WWTR1: variants seen among roughly 807,000 people sequenced by gnomAD.
WWTR1 encodes the protein WW domain-containing transcription regulator protein 1.
WWTR1 carries 13 observed loss-of-function variants against 40.1 expected under a neutral mutation model. That is an observed-to-expected ratio of 0.32 (90% CI 0.21 to 0.52). The LOEUF is 0.52. Ranked by LOEUF, WWTR1 falls within the 20% of genes least tolerant of loss-of-function variation. WWTR1 has a pLI of 0.97. For missense variants in WWTR1, 436 were observed against 523.1 expected (o/e 0.83, Z 1.63); for synonymous variants, 230 against 210.1 (o/e 1.09, Z -0.82).
intron 2 of WWTR1, among the ~76,000 whole-genome samples, chr3:149,632,600 C>A (rs1711599386): frequency 6.6e-6 from 1 of 152,176 alleles, no homozygotes; most frequent in Non-Finnish European, 1.5e-5. Context: ...AAAGGAAGAT[C>A]ATTTTCCACT....
intron 3 of WWTR1, among the ~76,000 whole-genome samples, chr3:149,569,357 A>G (rs1423027567): frequency 6.6e-6 from 1 of 152,236 alleles, no homozygotes; most frequent in Non-Finnish European, 1.5e-5. Context: ...TTAGCTTACT[A>G]TGTGGCAATC....
At chr3:149,669,069 A>G (rs1284912477) in intron 2 of WWTR1, among the ~76,000 whole-genome samples, 1 of 152,192 alleles carries the variant, frequency 6.6e-6, no homozygotes, top group Non-Finnish European at 1.5e-5. Flanking sequence ...CTTTGTACAG[A>G]GTCCAAGTTT....
chr3:149,572,958 C>A lies in WWTR1; in HGVS notation c.474G>T (p.Ala158=), dbSNP rs534445202. The change falls in exon 3 of 7, where the codon GCG becomes GCT. Residue 158 remains alanine (A), a synonymous_variant. Transcript: ENST00000360632. The stretch of plus-strand genomic sequence containing the variant: ...TCATATGATTCAGAGGCTGATTCAT[C>A]GCCTTCCTAGGGTCTTGCCATGTGG... The part of the protein sequence containing the change: ...KITTWQDPRK[A]MNQPLNHMNL... 6.2e-7 allele frequency: 1 copy of A among 1,612,806 alleles called. No homozygotes were observed. The highest frequency in any genetic ancestry group is 1.1e-5 in the South Asian group (1 of 90,748).
In WWTR1 at chr3:149,574,527, G is replaced by A. The variant is rs187667131; in HGVS notation, c.432-1527C>T. ...TTTCTGTTAAACACACCTCACTTTT[G>A]AATAACAATGGCCTCCTTTGAATCT... On this transcript the variant is annotated intron_variant, in intron 2 of 6. Transcript: ENST00000360632. Among the ~76,000 whole-genome samples the A allele has an allele frequency of 3.7e-3, 565 of 152,176 alleles. 4 individuals are homozygous for A. The highest frequency in any genetic ancestry group is 6.2e-3 in the Non-Finnish European group (422 of 68,002).
intron 5 of WWTR1, 59 bp from the exon 6 acceptor site, chr3:149,526,184 A>C: frequency 7.5e-7 from 1 of 1,341,028 alleles, no homozygotes; most frequent in Non-Finnish European, 1.0e-6. Context: ...TCTCAAAATT[A>C]AAACACAGTC....
At chr3:149,531,095 C>A (rs1735555367) in intron 4 of WWTR1, among the ~76,000 whole-genome samples, 1 of 152,146 alleles carries the variant, frequency 6.6e-6, no homozygotes, top group African/African-American at 2.4e-5. Context: ...CCACCACGCC[C>A]AGCTAATTTT....
chr3:149,600,225 T>C (rs907856524), intron 2 of WWTR1, among the ~76,000 whole-genome samples: 2 of 152,192 alleles, frequency 1.3e-5, no homozygotes, highest in African/African-American at 2.4e-5. Flanking sequence ...TGTAATCAAA[T>C]GGGGCAAGGG....
intron 1 of WWTR1, among the ~76,000 whole-genome samples, chr3:149,689,943 C>T (rs1032508436): frequency 6.6e-6 from 1 of 151,994 alleles, no homozygotes; most frequent in Admixed American, 6.6e-5. Context: ...AAGATAGAAA[C>T]AGAAACCACA....
intron 2 of WWTR1, among the ~76,000 whole-genome samples, chr3:149,668,612 A>AAAAAAAAAAAAAAC: frequency 6.7e-6 from 1 of 149,808 alleles, no homozygotes; most frequent in South Asian, 2.1e-4. Context: ...TGTCTCAAAA[A>AAAAAAAAAAAAAAC]AAACAACAAA....
At chr3:149,656,220 AT>A (rs1325689960) in intron 2 of WWTR1, among the ~76,000 whole-genome samples, 1 of 152,260 alleles carries the variant, frequency 6.6e-6, no homozygotes, top group African/African-American at 2.4e-5. Context: ...CAGGCTTGTG[AT>A]TTGATGGTAT....
chr3:149,633,453 C>A (rs1711647188), intron 2 of WWTR1, among the ~76,000 whole-genome samples: 1 of 152,158 alleles, frequency 6.6e-6, no homozygotes, highest in African/African-American at 2.4e-5. Flanking sequence ...TGGCCATTAT[C>A]TCCTTTAAGT....
chr3:149,525,916 A>G (rs1735281700), intron 6 of WWTR1, 97 bp downstream of exon 6: 1 of 689,902 alleles, frequency 1.4e-6, no homozygotes. Flanking sequence ...AGTTGAAATT[A>G]TAAAAATAAA....
intron 3 of WWTR1, among the ~76,000 whole-genome samples, chr3:149,546,157 A>G (rs567272789): frequency 1.3e-5 from 2 of 152,342 alleles, no homozygotes; most frequent in Admixed American, 1.3e-4. Flanking sequence ...AATGGTGGAA[A>G]CACTGGTTTC....
At chr3:149,536,472 A>C (rs1735839119) in intron 4 of WWTR1, among the ~76,000 whole-genome samples, 1 of 138,872 alleles carries the variant, frequency 7.2e-6, no homozygotes, top group South Asian at 2.2e-4. Context: ...TTTGCATGAC[A>C]AAAAAAAAAA....
chr3:149,673,142 G>A (rs1714150216), intron 1 of WWTR1, among the ~76,000 whole-genome samples: 1 of 152,184 alleles, frequency 6.6e-6, no homozygotes, highest in Non-Finnish European at 1.5e-5. Flanking sequence ...TTGGGAGGCT[G>A]AGGTAGGATG....
intron 3 of WWTR1, among the ~76,000 whole-genome samples, chr3:149,569,809 G>C (rs1311832812): frequency 1.3e-5 from 2 of 152,086 alleles, no homozygotes; most frequent in African/African-American, 4.8e-5. Flanking sequence ...TTAAGAAGAA[G>C]GAAGAGTGGG....
At chr3:149,662,250 A>C (rs1576630383), upstream of WWTR1, among the ~76,000 whole-genome samples, 1 of 152,112 alleles carries the variant, frequency 6.6e-6, no homozygotes, top group South Asian at 2.1e-4. Context: ...TCCAGACTGC[A>C]TCCTGTGTGA....
intron 4 of WWTR1, among the ~76,000 whole-genome samples, chr3:149,532,737 T>TA: frequency 6.6e-6 from 1 of 152,272 alleles, no homozygotes; most frequent in African/African-American, 2.4e-5. Context: ...GGTATAAAAT[T>TA]AAAGCCCAGA....
At chr3:149,550,770 A>G (rs1736584164) in intron 3 of WWTR1, among the ~76,000 whole-genome samples, 1 of 147,066 alleles carries the variant, frequency 6.8e-6, no homozygotes, top group African/African-American at 2.6e-5. Flanking sequence ...AGACTGCTTG[A>G]ATATCTGCTG....
Sources: gnomAD v4.1 joint callset for allele counts (sites outside exome capture counted in the v4.1 genomes callset) on GRCh38, gnomAD v4.1.1 for gene constraint, MANE v1.5 for transcripts, NCBI Gene and HGNC (gene_info 2026-07-23, HGNC 2026-07-21) for gene names.